The following SFMBT2 variants were observed in gnomAD, a reference collection of about 807,000 sequenced individuals.
The protein encoded by SFMBT2 is scm-like with four MBT domains protein 2.
Under a neutral mutation model 110.1 loss-of-function variants are expected in SFMBT2, and 38 were observed. That is an observed-to-expected ratio of 0.35 (90% confidence interval 0.27 to 0.45). The LOEUF is 0.45. SFMBT2 is among the 20% of genes least tolerant of loss of function. The pLI is 1.00. For synonymous variants in SFMBT2, 425 were observed against 425.4 expected (o/e 1.00, Z 0.01); for missense variants, 1,011 against 1,094.9 (o/e 0.92, Z 1.08).
At chr10:7,347,615 T>C (rs1017488020) in intron 4 of SFMBT2, among the ~76,000 whole-genome samples, 17 of 152,322 alleles carry the variant, frequency 1.1e-4, no homozygotes, top group Admixed American at 1.1e-3. Flanking sequence ...TTGAACATAG[T>C]ATTCACATGT....
intron 14 of SFMBT2, 73 bp downstream of exon 14, chr10:7,200,341 G>C: frequency 8.3e-7 from 1 of 1,202,290 alleles, no homozygotes; most frequent in Non-Finnish European, 1.1e-6. Context: ...TATCGACCTA[G>C]AAACCTATAC....
intron 1 of SFMBT2, among the ~76,000 whole-genome samples, chr10:7,385,715 C>T (rs2477537): frequency 0.95 from 144,257 of 152,280 alleles, 68,408 homozygotes; most frequent in East Asian, 1. Flanking sequence ...AAGCCCCTCT[C>T]CTGGCCAGGC....
chr10:7,370,732 C>T (rs546033759), intron 2 of SFMBT2: 88 of 628,800 alleles, frequency 1.4e-4, no homozygotes, highest in Non-Finnish European at 1.6e-4. Flanking sequence ...GAGGACAAGG[C>T]GAAGGAACCC....
At chr10:7,333,387 C>T (rs1439171530) in intron 4 of SFMBT2, among the ~76,000 whole-genome samples, 2 of 143,804 alleles carry the variant, frequency 1.4e-5, no homozygotes, top group Non-Finnish European at 1.5e-5. Context: ...AACTTTGAGG[C>T]TTACCTTTTT....
chr10:7,182,018 G>A (rs146625812), intron 16 of SFMBT2, among the ~76,000 whole-genome samples: 161 of 152,250 alleles, frequency 1.1e-3, no homozygotes, highest in Non-Finnish European at 2.0e-3. Flanking sequence ...CAGACCTGGG[G>A]ATGGCTGGGT....
At position 7,171,276 on chromosome 10, in the gene SFMBT2, G is replaced by A; in HGVS notation, c.2416-220C>T. The stretch of plus-strand genomic sequence containing the variant: ...ATGACTCATGTGCCTTCAGATGGAA[G>A]AAGGCAGGCACAGTGACAGTCGCTC... On this transcript the variant is annotated intron_variant, in intron 19 of 20. Coordinates refer to ENST00000397167, the MANE Select transcript of SFMBT2 (RefSeq NM_001387889.1). The surrounding 1 kb of genome is among the most constrained non-coding windows in gnomAD (Gnocchi z 4.9). The A allele has an allele frequency of 1.3e-6, 1 of 778,910 alleles. No individual in the cohort carries two copies. The highest frequency in any genetic ancestry group is 1.6e-6 in the Non-Finnish European group (1 of 641,364). 48.2% of individuals were successfully genotyped at this position (778,910 alleles called of 1,614,324 possible).
At chr10:7,364,318 T>C (rs926465210) in intron 4 of SFMBT2, among the ~76,000 whole-genome samples, 4 of 152,238 alleles carry the variant, frequency 2.6e-5, no homozygotes, top group African/African-American at 9.6e-5. Flanking sequence ...TTCCATCACA[T>C]TTATGGTTTC....
At chr10:7,249,673 A>G (rs1313465004) in intron 7 of SFMBT2, 13 of 403,172 alleles carry the variant, frequency 3.2e-5, no homozygotes, top group Non-Finnish European at 3.7e-5. Flanking sequence ...CACAGAGCCC[A>G]GTCGGGCAGT....
intron 1 of SFMBT2, among the ~76,000 whole-genome samples, chr10:7,403,583 A>G (rs1846140339): frequency 6.6e-6 from 1 of 152,208 alleles, no homozygotes; most frequent in Non-Finnish European, 1.5e-5. Context: ...CAGAGGTCGC[A>G]ATGAGCCGAG....
At chr10:7,167,897 A>T (rs138737426) in intron 20 of SFMBT2, among the ~76,000 whole-genome samples, 42 of 152,296 alleles carry the variant, frequency 2.8e-4, no homozygotes, top group African/African-American at 8.9e-4. Context: ...GCAATAGGGC[A>T]GAACTCTGTC....
chr10:7,296,472 C>T (rs1842409844), intron 4 of SFMBT2, among the ~76,000 whole-genome samples: 2 of 152,204 alleles, frequency 1.3e-5, no homozygotes, highest in Admixed American at 1.3e-4. Context: ...ATTTTTCATA[C>T]TTGACTTGCT....
chr10:7,200,608 A>G (rs542175143), intron 13 of SFMBT2, 124 bp from the exon 14 acceptor site: 6 of 704,808 alleles, frequency 8.5e-6, no homozygotes, highest in Non-Finnish European at 1.3e-5. Flanking sequence ...ACCATAGAAT[A>G]GAATGTGTGT....
intron 15 of SFMBT2, among the ~76,000 whole-genome samples, chr10:7,196,737 A>G (rs1838781055): frequency 6.6e-6 from 1 of 152,202 alleles, no homozygotes; most frequent in Admixed American, 6.5e-5. Flanking sequence ...GGCAATAGAG[A>G]ATATCCATTT....
intron 4 of SFMBT2, among the ~76,000 whole-genome samples, chr10:7,349,036 T>G (rs2132005078): frequency 6.6e-6 from 1 of 152,278 alleles, no homozygotes; most frequent in African/African-American, 2.4e-5. Context: ...CCACCCATTC[T>G]CCACCTCTCT....
At chr10:7,328,222 T>A (rs1033547113) in intron 4 of SFMBT2, among the ~76,000 whole-genome samples, 1 of 152,238 alleles carries the variant, frequency 6.6e-6, no homozygotes, top group Non-Finnish European at 1.5e-5. Context: ...CTAATGCAAA[T>A]AATACCGACA....
chr10:7,285,457 G>A (rs181240276), intron 5 of SFMBT2: 2 of 153,408 alleles, frequency 1.3e-5, no homozygotes, highest in South Asian at 2.1e-4. Context: ...AACATTTAAT[G>A]GAACGACTTA....
chr10:7,294,294 G>C (rs544028590), intron 4 of SFMBT2, among the ~76,000 whole-genome samples: 73 of 152,226 alleles, frequency 4.8e-4, no homozygotes, highest in African/African-American at 1.6e-3. Flanking sequence ...TAAACCCTTG[G>C]TCCATGTACA....
intron 6 of SFMBT2, among the ~76,000 whole-genome samples, chr10:7,283,565 G>A (rs141312798): frequency 7.7e-4 from 117 of 152,252 alleles, no homozygotes; most frequent in African/African-American, 2.6e-3. Context: ...CAGAGATTTC[G>A]GAACCTACTT....
chr10:7,207,633 C>T (rs1429678458), intron 11 of SFMBT2: 16 of 983,534 alleles, frequency 1.6e-5, no homozygotes, highest in Non-Finnish European at 1.9e-5. Flanking sequence ...AATTCTGAAT[C>T]ACATCCTCCC....
Sources: allele counts gnomAD v4.1 joint callset (sites outside exome capture counted in the v4.1 genomes callset), GRCh38; gene constraint gnomAD v4.1.1; non-coding constraint Gnocchi (gnomAD v3.1); transcripts MANE v1.5; gene names NCBI Gene and HGNC (gene_info 2026-07-23, HGNC 2026-07-21).